The following TMEM106B variants were observed in gnomAD, a reference collection of about 807,000 sequenced individuals.
The protein encoded by TMEM106B is transmembrane protein 106B.
In TMEM106B, 15 loss-of-function variants were observed where a neutral mutation model predicts 31.1. The ratio of observed to expected loss-of-function variants is 0.48; its 90% CI spans 0.32 to 0.74. The LOEUF (loss-of-function observed/expected upper bound fraction) is 0.74. Ranked by LOEUF, TMEM106B falls within the 30% of genes least tolerant of loss-of-function variation. The probability of loss-of-function intolerance (pLI) is 0.03; values close to 1 mark genes in which losing one functional copy is unlikely to be tolerated. For missense variants in TMEM106B, 283 were observed against 327.3 expected, an observed-to-expected ratio of 0.86 and a Z score of 1.04; for synonymous variants, 126 against 112.5, an observed-to-expected ratio of 1.12 and a Z score of -0.76.
intron 4 of TMEM106B, 54 bp from the exon 5 acceptor site, chr7:12,229,625 C>A: frequency 2.3e-6 from 3 of 1,319,394 alleles, no homozygotes; most frequent in African/African-American, 2.0e-5. Flanking sequence ...ATTTTAAATA[C>A]ATATTTGTAT....
In TMEM106B at chr7:12,232,169, G is replaced by C. The variant is rs987914014; in HGVS notation, c.*194G>C. 4 of 414,260 alleles carry C rather than the reference G, an allele frequency of 9.7e-6. No individual in the cohort carries two copies. Among genetic ancestry groups the C allele is most frequent in the African/African-American group, 6.0e-5 (3 of 50,110 alleles). 25.7% of individuals were successfully genotyped at this position (414,260 alleles called of 1,614,324 possible). A position where few individuals can be genotyped will look rare whatever the true frequency, so the allele number is the denominator to read the frequency against. On this transcript the variant is annotated 3_prime_UTR_variant, in exon 8 of 8. Coordinates refer to ENST00000396668, the MANE Select transcript of TMEM106B (RefSeq NM_001134232.2). Reference sequence around the variant, plus strand: ...TGTGTTAATGATATATTTGTACTAGGATCTTTTACTTGAATCTAAATTTAC... The same window carrying C: ...TGTGTTAATGATATATTTGTACTAGCATCTTTTACTTGAATCTAAATTTAC...
At chr7:12,224,145 GA>G in intron 3 of TMEM106B, 80 bp from the exon 4 acceptor site, 1 of 1,312,804 alleles carries the variant, frequency 7.6e-7, no homozygotes. Context: ...ATATATGGGG[GA>G]AATTGAACAT....
chr7:12,222,423 A>G (rs1781806131), intron 3 of TMEM106B, among the ~76,000 whole-genome samples: 1 of 152,232 alleles, frequency 6.6e-6, no homozygotes, highest in African/African-American at 2.4e-5. Flanking sequence ...CGTGGTATAC[A>G]GAGTAATTTA....
chr7:12,220,836 A>G (rs1781771765), intron 3 of TMEM106B, among the ~76,000 whole-genome samples: 2 of 152,230 alleles, frequency 1.3e-5, no homozygotes, highest in Non-Finnish European at 1.5e-5. Context: ...AACTGGAAAC[A>G]ATGTAAATAC....
chr7:12,224,280 T>G lies in TMEM106B; in HGVS notation c.336T>G (p.Ala112=). The G allele has an allele frequency of 6.2e-7, 1 of 1,614,112 alleles. No individual in the cohort carries two copies. Among genetic ancestry groups the G allele is most frequent in the African/African-American group, 1.3e-5 (1 of 75,064 alleles). ...VFVCLLLSGL[A]VFFLFPRSID... is the part of the protein sequence containing the mutation. ...TCTGTCTACTCCTTTCTGGATTGGC[T>G]GTGTTTTTCCTTTTCCCTCGCTCTA... Residue 112 remains alanine, a synonymous_variant, in exon 4 of 8, where the codon GCT becomes GCG. Transcript: ENST00000396668.
chr7:12,214,915 C>T lies in TMEM106B; in HGVS notation c.105C>T (p.Val35=). 3.7e-6 allele frequency: 6 copies of T among 1,614,028 alleles called. No individual in the cohort carries two copies. The highest frequency in any genetic ancestry group is 5.1e-6 in the Non-Finnish European group (6 of 1,179,958). ...NMRNGLVNSE[V]HNEDGRNGDV... is the part of the protein sequence containing the mutation. The stretch of plus-strand genomic sequence containing the variant: ...GGAATGGACTGGTTAATAGTGAAGT[C>T]CATAATGAAGATGGAAGAAATGGAG... The change falls in exon 2 of 8, where the codon GTC becomes GTT. Residue 35 remains valine (V), a synonymous_variant. Coordinates refer to ENST00000396668, the MANE Select transcript of TMEM106B (RefSeq NM_001134232.2).
chr7:12,237,205 A>G lies in TMEM106B; in HGVS notation c.*5230A>G, dbSNP rs541340801. ...ACTGTTACTCTTGTAGTTGTGTATG[A>G]CGCAATAAAATTTGTAAAAAAATTT... On this transcript the variant is annotated 3_prime_UTR_variant, in exon 8 of 8. Transcript: ENST00000396668. 46 of 152,204 alleles carry G rather than the reference A, an allele frequency of 3.0e-4. No homozygotes were observed. Among genetic ancestry groups the G allele is most frequent in the African/African-American group, 1.1e-3 (45 of 41,538 alleles). The allele number at this position is 152,204 out of a possible 1,614,324, so 9.4% of individuals were successfully genotyped here.
At chr7:12,215,246 G>A (rs1781663420) in intron 2 of TMEM106B, among the ~76,000 whole-genome samples, 1 of 152,126 alleles carries the variant, frequency 6.6e-6, no homozygotes, top group South Asian at 2.1e-4. Context: ...ACTACCTCCA[G>A]TATTTTTTCA....
At chr7:12,222,110 T>C (rs1348798603) in intron 3 of TMEM106B, among the ~76,000 whole-genome samples, 2 of 152,162 alleles carry the variant, frequency 1.3e-5, no homozygotes, top group Non-Finnish European at 2.9e-5. Context: ...TCCTCAAACA[T>C]GGATTTTAAA....
chr7:12,214,890 G>C lies in TMEM106B; in HGVS notation c.80G>C (p.Arg27Thr). Reference sequence around the variant, plus strand: ...GATGGAGTCACATCTGAAAACATGAGGAATGGACTGGTTAATAGTGAAGTC... The same window carrying C: ...GATGGAGTCACATCTGAAAACATGACGAATGGACTGGTTAATAGTGAAGTC... ...AYDGVTSENM[R>T]NGLVNSEVHN... The change falls in exon 2 of 8, where the codon AGG (arginine) becomes ACG (threonine). Residue 27 changes from arginine (R) to threonine (T), a missense_variant. Coordinates refer to ENST00000396668, the MANE Select transcript of TMEM106B (RefSeq NM_001134232.2). 1 of 1,614,034 alleles carries C rather than the reference G, an allele frequency of 6.2e-7. No individual in the cohort carries two copies. The highest frequency in any genetic ancestry group is 2.2e-5 in the East Asian group (1 of 44,866).
At chr7:12,228,482 A>T (rs1450814356) in intron 4 of TMEM106B, among the ~76,000 whole-genome samples, 1 of 151,778 alleles carries the variant, frequency 6.6e-6, no homozygotes, top group Non-Finnish European at 1.5e-5. Context: ...TGATGGCTTC[A>T]TAATATTCCA....
In TMEM106B at chr7:12,218,449, C is replaced by G. The variant is rs773978903; in HGVS notation, c.218-9C>G. On this transcript the variant is annotated splice_polypyrimidine_tract_variant and intron_variant, in intron 2 of 7. Transcript: ENST00000396668. ...TAGTAATTTCTGAACTTACTTCTTTCACATTTAGGGCAAGAAAACCAACTG... is the reference window on the plus strand; with the variant it reads ...TAGTAATTTCTGAACTTACTTCTTTGACATTTAGGGCAAGAAAACCAACTG... 4.3e-6 allele frequency: 7 copies of G among 1,609,596 alleles called. No homozygotes were observed. The African/African-American group carries it at 9.4e-5, about 22-fold the overall frequency.
intron 3 of TMEM106B, among the ~76,000 whole-genome samples, chr7:12,221,206 A>G (rs548257447): frequency 1.3e-5 from 2 of 152,290 alleles, no homozygotes; most frequent in African/African-American, 4.8e-5. Flanking sequence ...TTCTAACTGT[A>G]TATGAAGTTG....
At chr7:12,212,584 G>C (rs1781602304) in intron 1 of TMEM106B, among the ~76,000 whole-genome samples, 1 of 151,780 alleles carries the variant, frequency 6.6e-6, no homozygotes, top group Non-Finnish European at 1.5e-5. Context: ...TTGAGTGACA[G>C]CAACAAGTGG....
At chr7:12,226,301 C>G (rs73284389) in intron 4 of TMEM106B, among the ~76,000 whole-genome samples, 19,526 of 151,958 alleles carry the variant, frequency 0.13, 1,411 homozygotes, top group African/African-American at 0.2. Flanking sequence ...GAAGTGATGC[C>G]TCCAGCTTTG....
rs1184096786 is a variant in TMEM106B at position 12,240,269 on chromosome 7, A to G, written c.*8294A>G. The G allele has an allele frequency of 6.6e-6, 1 of 152,050 alleles. No individual in the cohort carries two copies. Among genetic ancestry groups the G allele is most frequent in the Non-Finnish European group, 1.5e-5 (1 of 68,006 alleles). 9.4% of individuals were successfully genotyped at this position (152,050 alleles called of 1,614,324 possible). On this transcript the variant is annotated 3_prime_UTR_variant, in exon 8 of 8. Transcript: ENST00000396668. ...CCCATGTTTTTTATCCCCCAATTCT[A>G]TCTTTTTCAATGCCCACTTCGTGTC... is the stretch of plus-strand genomic sequence containing the variant.
In TMEM106B at chr7:12,226,437, C is replaced by T. The variant is rs115563499; in HGVS notation, c.441+2052C>T. 2.0e-3 allele frequency among the ~76,000 whole-genome samples: 306 copies of T among 152,222 alleles called. 3 individuals are homozygous for T. Among genetic ancestry groups the T allele is most frequent in the African/African-American group, 6.9e-3 (286 of 41,540 alleles). The stretch of plus-strand genomic sequence containing the variant: ...GTTTTCTACCTGTTTTACATGTTAA[C>T]GTTTGTTTGAAAAGAGCACGGTTTG... On this transcript the variant is annotated intron_variant, in intron 4 of 7. Coordinates refer to ENST00000396668, the MANE Select transcript of TMEM106B (RefSeq NM_001134232.2).
At chr7:12,224,700 G>A (rs1208932090) in intron 4 of TMEM106B, among the ~76,000 whole-genome samples, 1 of 152,142 alleles carries the variant, frequency 6.6e-6, no homozygotes, top group African/African-American at 2.4e-5. Context: ...TTCTAGCAAA[G>A]TGTTGACATA....
rs1782208113 is a variant in TMEM106B, at chr7:12,239,827, C to T, written c.*7852C>T. The T allele has an allele frequency of 6.6e-6, 1 of 151,934 alleles. No individual in the cohort carries two copies. Among genetic ancestry groups the T allele is most frequent in the Non-Finnish European group, 1.5e-5 (1 of 68,006 alleles). The allele number at this position is 151,934 out of a possible 1,614,324, so 9.4% of individuals were successfully genotyped here. A position where few individuals can be genotyped will look rare whatever the true frequency, so the allele number is the denominator to read the frequency against. On this transcript the variant is annotated 3_prime_UTR_variant, in exon 8 of 8. Coordinates refer to ENST00000396668, the MANE Select transcript of TMEM106B (RefSeq NM_001134232.2). ...CAAAAACATCAAAGATCACTGATTA[C>T]AGATCATTAAAATAGGTTTAATAAT...
Sources: allele counts gnomAD v4.1 joint callset (sites outside exome capture counted in the v4.1 genomes callset), GRCh38; gene constraint gnomAD v4.1.1; transcripts MANE v1.5; gene names NCBI Gene and HGNC (gene_info 2026-07-23, HGNC 2026-07-21).